CORIN: variants seen among roughly 807,000 people sequenced by gnomAD.
The protein encoded by CORIN is corin, serine peptidase.
In CORIN, 117 loss-of-function variants were observed where a neutral mutation model predicts 125.3. The observed-to-expected ratio is 0.93, with a 90% CI of 0.80 to 1.09. The LOEUF is 1.09. CORIN is among the 50% of genes least tolerant of loss of function. CORIN has a pLI of 0.00. For missense variants in CORIN, 1,253 were observed against 1,306.7 expected (o/e 0.96, Z 0.63); for synonymous variants, 450 against 466.4 (o/e 0.96, Z 0.45).
rs551435019 is a variant in CORIN, at chr4:47,666,897, A to T, written c.1358-1634T>A. Reference sequence around the variant, plus strand: ...AGCTTGAACATACTAAGACAGACATATTGAACAAAATGCTAGAGTCCAAAG... The same window carrying T: ...AGCTTGAACATACTAAGACAGACATTTTGAACAAAATGCTAGAGTCCAAAG... On this transcript the variant is annotated intron_variant, in intron 10 of 21. Coordinates refer to ENST00000273857, the MANE Select transcript of CORIN (RefSeq NM_006587.4). Among the ~76,000 whole-genome samples, 28 of 152,328 alleles carry T rather than the reference A, an allele frequency of 1.8e-4. 1 individual carries two copies. The South Asian group carries it at 5.2e-3, about 28-fold the overall frequency.
At chr4:47,784,090 C>T (rs1405834590) in intron 3 of CORIN, among the ~76,000 whole-genome samples, 1 of 152,118 alleles carries the variant, frequency 6.6e-6, no homozygotes. Flanking sequence ...CTCAAATTCA[C>T]ACCGTGAAAA....
chr4:47,681,999 T>C (rs1725305052), intron 7 of CORIN: 2 of 152,178 alleles, frequency 1.3e-5, no homozygotes, highest in Admixed American at 1.3e-4. Context: ...GCAACATGGA[T>C]GAGCCTGGAG....
chr4:47,628,374 T>C (rs552464026), intron 16 of CORIN, among the ~76,000 whole-genome samples: 10 of 152,290 alleles, frequency 6.6e-5, no homozygotes, highest in Admixed American at 1.3e-4. Flanking sequence ...GTTTGATATA[T>C]GTATACCTTG....
intron 16 of CORIN, among the ~76,000 whole-genome samples, chr4:47,637,082 G>T (rs1723055127): frequency 6.6e-6 from 1 of 152,178 alleles, no homozygotes; most frequent in Admixed American, 6.5e-5. Flanking sequence ...GGGAACCGGA[G>T]CAAAGGTGAC....
chr4:47,706,803 G>A, intron 5 of CORIN: 1 of 1,598,178 alleles, frequency 6.3e-7, no homozygotes, highest in South Asian at 1.1e-5. Context: ...GCTATCAGAA[G>A]AAATCCTGAC....
At chr4:47,804,902 C>T (rs984339672) in intron 2 of CORIN, among the ~76,000 whole-genome samples, 3 of 150,756 alleles carry the variant, frequency 2.0e-5, no homozygotes, top group South Asian at 2.1e-4. Context: ...TTTGGGAGGC[C>T]GAGACGGGTG....
At chr4:47,783,873 AAAC>A (rs1730665048) in intron 3 of CORIN, among the ~76,000 whole-genome samples, 1 of 152,150 alleles carries the variant, frequency 6.6e-6, no homozygotes, top group South Asian at 2.1e-4. Context: ...ACAGCAATAA[AAAC>A]AACAACAAAA....
intron 4 of CORIN, among the ~76,000 whole-genome samples, chr4:47,757,905 T>TATAG (rs1471519610): frequency 7.1e-6 from 1 of 141,688 alleles, no homozygotes; most frequent in South Asian, 2.2e-4. Context: ...TATATATATA[T>TATAG]ACACAAATAT....
intron 11 of CORIN, among the ~76,000 whole-genome samples, chr4:47,664,474 T>C (rs888064253): frequency 4.6e-5 from 7 of 152,198 alleles, no homozygotes; most frequent in African/African-American, 1.7e-4. Context: ...AACCCAAACA[T>C]GGACTCTGGA....
chr4:47,735,674 A>G (rs1419536636), intron 5 of CORIN, among the ~76,000 whole-genome samples: 5 of 152,156 alleles, frequency 3.3e-5, no homozygotes, highest in Admixed American at 3.3e-4. Flanking sequence ...TAATCCCAGC[A>G]CTTTGGAAGG....
At position 47,643,267 on chromosome 4, in the gene CORIN, G is replaced by A. The variant is rs775195146; in HGVS notation, c.1958-11C>T. ...CATCTTGGCAAAATGCTGGCATGGG[G>A]AACAAAAAGTGAGAAGGAAAACATT... On this transcript the variant is annotated splice_polypyrimidine_tract_variant and intron_variant, in intron 14 of 21. Transcript: ENST00000273857. 2 of 1,580,296 alleles carry A rather than the reference G, an allele frequency of 1.3e-6. No individual in the cohort carries two copies. Among genetic ancestry groups the A allele is most frequent in the Admixed American group, 1.9e-5 (1 of 53,374 alleles).
intron 5 of CORIN, among the ~76,000 whole-genome samples, chr4:47,714,273 G>A (rs926736110): frequency 6.6e-6 from 1 of 152,090 alleles, no homozygotes; most frequent in African/African-American, 2.4e-5. Context: ...ACATTTCTAT[G>A]TATGTCTAAT....
chr4:47,663,515 A>G (rs990182341), intron 11 of CORIN, among the ~76,000 whole-genome samples: 1 of 152,156 alleles, frequency 6.6e-6, no homozygotes, highest in African/African-American at 2.4e-5. Flanking sequence ...AATTTATCTA[A>G]AAGAAATTTA....
At chr4:47,630,895 G>GTGA (rs1419331743) in intron 16 of CORIN, among the ~76,000 whole-genome samples, 1 of 152,076 alleles carries the variant, frequency 6.6e-6, no homozygotes, top group Non-Finnish European at 1.5e-5. Context: ...AAGATCACAG[G>GTGA]TGATGATGAT....
rs753766456 is a variant in CORIN, at chr4:47,661,658, C to T, written c.1735+53G>A. On this transcript the variant is annotated intron_variant, in intron 12 of 21. Transcript: ENST00000273857. The stretch of plus-strand genomic sequence containing the variant: ...TAAATAGAAGAAATTCAAAAGGTAG[C>T]TAACATGTTCATCCATGTTAGATAC... 6.8e-6 allele frequency: 10 copies of T among 1,473,926 alleles called. No individual in the cohort carries two copies. In the South Asian group the frequency reaches 1.2e-4, roughly 18 times the overall value. The allele number at this position is 1,473,926 out of a possible 1,614,324, so 91.3% of individuals were successfully genotyped here.
At chr4:47,721,484 G>A (rs908993897) in intron 5 of CORIN, among the ~76,000 whole-genome samples, 11 of 152,116 alleles carry the variant, frequency 7.2e-5, no homozygotes, top group African/African-American at 2.7e-4. Context: ...GGCCAGGCTG[G>A]TCTCGAACTC....
At chr4:47,783,939 G>A (rs1225819789) in intron 3 of CORIN, among the ~76,000 whole-genome samples, 6 of 151,664 alleles carry the variant, frequency 4.0e-5, no homozygotes, top group African/African-American at 1.2e-4. Context: ...ATAATGTTAC[G>A]GCAAAGAAAA....
chr4:47,708,364 T>C (rs1409731923), intron 5 of CORIN, among the ~76,000 whole-genome samples: 2 of 152,192 alleles, frequency 1.3e-5, no homozygotes, highest in Non-Finnish European at 2.9e-5. Flanking sequence ...AGGGCTGTCA[T>C]CACATCTCCT....
chr4:47,625,770 T>C (rs968036800), intron 17 of CORIN, among the ~76,000 whole-genome samples: 5 of 152,182 alleles, frequency 3.3e-5, no homozygotes, highest in Admixed American at 6.5e-5. Flanking sequence ...CTGTAAAATA[T>C]TGGATAATCA....
Sources: allele counts gnomAD v4.1 joint callset (sites outside exome capture counted in the v4.1 genomes callset), GRCh38; gene constraint gnomAD v4.1.1; transcripts MANE v1.5; gene names NCBI Gene and HGNC (gene_info 2026-07-23, HGNC 2026-07-21).